GALNT17: variants seen among roughly 807,000 people sequenced by gnomAD.
GALNT17 encodes polypeptide N-acetylgalactosaminyltransferase 17, also known as UDP-GalNAc:polypeptide N-acetylgalactosaminyltransferase-like 3.
A neutral mutation model predicts 63.7 loss-of-function variants in GALNT17; 29 were observed. The observed-to-expected ratio is 0.46, with a 90% CI of 0.34 to 0.62. The LOEUF (loss-of-function observed/expected upper bound fraction) is 0.62, where lower values mean the gene tolerates loss of function less well. Ranked by LOEUF, GALNT17 falls within the 20% of genes least tolerant of loss-of-function variation. The pLI is 0.01. For synonymous variants in GALNT17, 305 were observed against 318.3 expected, an observed-to-expected ratio of 0.96 and a Z score of 0.45; for missense variants, 603 against 799.6, an observed-to-expected ratio of 0.75 and a Z score of 2.97.
intron 1 of GALNT17, among the ~76,000 whole-genome samples, chr7:71,282,746 G>A (rs1790800394): frequency 6.6e-6 from 1 of 152,046 alleles, no homozygotes; most frequent in Non-Finnish European, 1.5e-5. Flanking sequence ...CAGGTTTCAG[G>A]TGAAGCAGAT....
intron 5 of GALNT17, among the ~76,000 whole-genome samples, chr7:71,560,411 G>T (rs967463462): frequency 6.6e-6 from 1 of 152,056 alleles, no homozygotes; most frequent in Non-Finnish European, 1.5e-5. Context: ...AACTCCCCAT[G>T]AGAACACAGG....
intron 3 of GALNT17, among the ~76,000 whole-genome samples, chr7:71,400,221 A>G (rs575267852): frequency 4.3e-4 from 65 of 150,702 alleles, no homozygotes; most frequent in African/African-American, 1.5e-3. Flanking sequence ...TCATTGTTCA[A>G]CTCTCCCTTA....
intron 5 of GALNT17, among the ~76,000 whole-genome samples, chr7:71,542,255 C>G (rs1310091974): frequency 6.6e-6 from 1 of 152,040 alleles, no homozygotes; most frequent in African/African-American, 2.4e-5. Context: ...TTAAACAGAA[C>G]ACTTCTAGGA....
At chr7:71,691,895 C>CCTTT (rs1554325515) in intron 9 of GALNT17, among the ~76,000 whole-genome samples, 1 of 150,236 alleles carries the variant, frequency 6.7e-6, no homozygotes, top group Non-Finnish European at 1.5e-5. Flanking sequence ...TTTCTTCCTT[C>CCTTT]CTTTCTCTCT....
At chr7:71,635,469 C>T (rs982331633) in intron 6 of GALNT17, among the ~76,000 whole-genome samples, 1 of 152,122 alleles carries the variant, frequency 6.6e-6, no homozygotes, top group African/African-American at 2.4e-5. Context: ...GAAGTACATT[C>T]GGATGGTTGA....
At chr7:71,666,471 G>A (rs1790987239) in intron 7 of GALNT17, among the ~76,000 whole-genome samples, 1 of 151,684 alleles carries the variant, frequency 6.6e-6, no homozygotes, top group Non-Finnish European at 1.5e-5. Flanking sequence ...AAGTTCTTTA[G>A]TGGTGATTTG....
chr7:71,548,368 T>C (rs991178375), intron 5 of GALNT17, among the ~76,000 whole-genome samples: 4 of 152,236 alleles, frequency 2.6e-5, no homozygotes, highest in African/African-American at 9.6e-5. Context: ...TTTTTTATGC[T>C]TTCTTGCCCA....
chr7:71,605,195 C>T (rs1254150235), intron 6 of GALNT17, among the ~76,000 whole-genome samples: 5 of 152,138 alleles, frequency 3.3e-5, no homozygotes, highest in East Asian at 1.9e-4. Context: ...AAAATTACAC[C>T]GGATGCCAGC....
chr7:71,396,813 ATACACATTT>A (rs1793147330), intron 3 of GALNT17, among the ~76,000 whole-genome samples: 1 of 152,134 alleles, frequency 6.6e-6, no homozygotes, highest in African/African-American at 2.4e-5. Flanking sequence ...AGTTTTCAGT[ATACACATTT>A]TACACTGCCT....
intron 5 of GALNT17, among the ~76,000 whole-genome samples, chr7:71,424,653 A>G (rs1229512109): frequency 6.6e-6 from 1 of 152,236 alleles, no homozygotes; most frequent in African/African-American, 2.4e-5. Context: ...GTCTTAACTT[A>G]CGGAATGCTT....
At chr7:71,366,481 T>C (rs899466252) in intron 2 of GALNT17, among the ~76,000 whole-genome samples, 1 of 152,118 alleles carries the variant, frequency 6.6e-6, no homozygotes, top group Non-Finnish European at 1.5e-5. Context: ...CTCGGGAGGC[T>C]GAAACAGGAG....
intron 6 of GALNT17, among the ~76,000 whole-genome samples, chr7:71,651,308 CTT>C (rs113437232): frequency 2.2e-5 from 3 of 133,882 alleles, no homozygotes; most frequent in African/African-American, 2.7e-5. Context: ...ACTTTTTAGG[CTT>C]TTTTTTTTTT....
At chr7:71,487,715 A>G (rs1787935994) in intron 5 of GALNT17, among the ~76,000 whole-genome samples, 1 of 152,174 alleles carries the variant, frequency 6.6e-6, no homozygotes, top group Non-Finnish European at 1.5e-5. Context: ...TTATAGTAGT[A>G]TTAAAAATAA....
intron 1 of GALNT17, among the ~76,000 whole-genome samples, chr7:71,305,934 T>C (rs1417441838): frequency 2.0e-5 from 3 of 152,122 alleles, no homozygotes; most frequent in African/African-American, 7.2e-5. Context: ...AAATTTCTAA[T>C]TAGGCCGGGC....
At chr7:71,433,728 C>T (rs1364602226) in intron 5 of GALNT17, among the ~76,000 whole-genome samples, 1 of 152,188 alleles carries the variant, frequency 6.6e-6, no homozygotes, top group Non-Finnish European at 1.5e-5. Context: ...CAGAACTGGT[C>T]ATGGTAGAGT....
intron 9 of GALNT17, among the ~76,000 whole-genome samples, chr7:71,679,886 TTCCCTCCCTCCC>T (rs1164040769): frequency 7.4e-6 from 1 of 134,734 alleles, no homozygotes. Context: ...TTTTTTCTTT[TTCCCTCCCTCCC>T]TCCCTCCCTC....
intron 5 of GALNT17, among the ~76,000 whole-genome samples, chr7:71,518,150 A>G (rs142591187): frequency 6.6e-6 from 1 of 152,192 alleles, no homozygotes; most frequent in Admixed American, 6.5e-5. Flanking sequence ...TCTTAGCTCA[A>G]GGGAGACATC....
rs77738837 is a variant in GALNT17, at chr7:71,691,316, G to A, written c.1500+14010G>A. The stretch of plus-strand genomic sequence containing the variant: ...TAGCCATGAAGTATTTTTAAATTAA[G>A]CTATGCACATTTTTAAAAGGCATGC... On this transcript the variant is annotated intron_variant, in intron 9 of 10. Transcript: ENST00000333538. 7.9e-3 allele frequency among the ~76,000 whole-genome samples: 1,207 copies of A among 152,214 alleles called. 53 individuals carry two copies. The East Asian group carries it at 0.12, about 15-fold the overall frequency.
intron 1 of GALNT17, among the ~76,000 whole-genome samples, chr7:71,190,000 G>T (rs1477300986): frequency 2.6e-5 from 4 of 151,830 alleles, no homozygotes; most frequent in Admixed American, 1.3e-4. Flanking sequence ...TTTAGTAGAA[G>T]CAGGGTTTCA....
Sources: allele counts gnomAD v4.1 joint callset (sites outside exome capture counted in the v4.1 genomes callset), GRCh38; gene constraint gnomAD v4.1.1; transcripts MANE v1.5; gene names NCBI Gene and HGNC (gene_info 2026-07-23, HGNC 2026-07-21).